Variants in MRPS14 observed in about 807,000 individuals in gnomAD.
MRPS14 encodes mitochondrial ribosomal protein S14.
MRPS14 carries 14 observed loss-of-function variants against 16.4 expected under a neutral mutation model. The ratio of observed to expected loss-of-function variants is 0.85; its 90% CI spans 0.56 to 1.33. The LOEUF is 1.33. MRPS14 is among the 40% of genes most tolerant of loss of function. MRPS14 has a pLI of 0.00. For synonymous variants in MRPS14, 54 were observed against 61.9 expected (o/e 0.87, Z 0.60); for missense variants, 162 against 176.8 (o/e 0.92, Z 0.48).
intron 1 of MRPS14, among the ~76,000 whole-genome samples, chr1:175,020,542 CTT>C (rs1055821774): frequency 6.6e-6 from 1 of 151,604 alleles, no homozygotes; most frequent in Non-Finnish European, 1.5e-5. Context: ...GAGTTTTGCT[CTT>C]GTTGCCCAGG....
At chr1:175,016,448 A>G (rs1672883426) in intron 2 of MRPS14, among the ~76,000 whole-genome samples, 1 of 152,334 alleles carries the variant, frequency 6.6e-6, no homozygotes, top group South Asian at 2.1e-4. Context: ...AGTAGGAAAG[A>G]TAAAAGCCTC....
Position 175,013,422 on chromosome 1 carries a change from T to C in MRPS14, c.*1247A>G, listed in dbSNP as rs1489888072. The C allele has an allele frequency of 6.6e-6, 1 of 152,240 alleles. No homozygotes were observed. 9.4% of individuals were successfully genotyped at this position (152,240 alleles called of 1,614,324 possible). A position where few individuals can be genotyped will look rare whatever the true frequency, so the allele number is the denominator to read the frequency against. ...TATCAGGAACCCAGAGAACCATCTT[T>C]ACCTCTTAGATATAATCAGTCTTGT... On this transcript the variant is annotated 3_prime_UTR_variant, in exon 3 of 3. Transcript: ENST00000476371.
intron 1 of MRPS14, among the ~76,000 whole-genome samples, chr1:175,022,739 AC>A (rs1340911272): frequency 7.1e-6 from 1 of 140,494 alleles, no homozygotes; most frequent in African/African-American, 2.7e-5. Flanking sequence ...CCCGTTATTG[AC>A]CCATTTTTTT....
intron 1 of MRPS14, among the ~76,000 whole-genome samples, chr1:175,022,137 C>T (rs1202473422): frequency 6.6e-6 from 1 of 151,158 alleles, no homozygotes; most frequent in Non-Finnish European, 1.5e-5. Flanking sequence ...GGAAATTTAG[C>T]ACCCAAACTG....
chr1:175,022,814 T>C (rs1464574827), intron 1 of MRPS14, among the ~76,000 whole-genome samples: 1 of 151,862 alleles, frequency 6.6e-6, no homozygotes, highest in East Asian at 1.9e-4. Context: ...TTCCTCCTAT[T>C]CTCTTGAACG....
Position 175,014,539 on chromosome 1 carries a change from A to G in MRPS14, c.*130T>C, listed in dbSNP as rs1574115478. 1.3e-6 allele frequency: 1 copy of G among 782,408 alleles called. No homozygotes were observed. The highest frequency in any genetic ancestry group is 2.4e-5 in the South Asian group (1 of 42,522). The allele number at this position is 782,408 out of a possible 1,614,324, so 48.5% of individuals were successfully genotyped here. ...TTCATTTTAAAAGTAGTTTAGAGAT[A>G]GCATCAGGTAGGCCAAACAACTGTA... On this transcript the variant is annotated 3_prime_UTR_variant, in exon 3 of 3. Transcript: ENST00000476371.
chr1:175,020,569 C>T (rs1424775272), intron 1 of MRPS14, among the ~76,000 whole-genome samples: 6 of 151,868 alleles, frequency 4.0e-5, no homozygotes, highest in African/African-American at 1.5e-4. Flanking sequence ...AGTGCAATGA[C>T]GCGATCGTGG....
intron 1 of MRPS14, among the ~76,000 whole-genome samples, chr1:175,020,896 A>C (rs997699279): frequency 3.9e-5 from 6 of 152,100 alleles, no homozygotes; most frequent in Non-Finnish European, 5.9e-5. Context: ...TCTGCTCTGT[A>C]CACATCTTAT....
At chr1:175,019,903 T>C (rs192716984) in intron 1 of MRPS14, among the ~76,000 whole-genome samples, 1 of 152,158 alleles carries the variant, frequency 6.6e-6, no homozygotes, top group African/African-American at 2.4e-5. Context: ...GAATATAAAA[T>C]TGAAAATAAG....
rs1673015065 is a variant in MRPS14 at position 175,023,365 on chromosome 1, T to G, written c.44A>C (p.Gln15Pro). Residue 15 changes from glutamine (Q) to proline (P), a missense_variant and splice_region_variant, in exon 1 of 3, where the codon CAG becomes CCG. Physicochemically the swap from Gln to Pro is moderately conservative, Grantham distance 76. Coordinates refer to ENST00000476371, the MANE Select transcript of MRPS14 (RefSeq NM_022100.3). Reference protein sequence around the residue: ...MLGSLLRTFKQMVPSSASGQV... With the variant: ...MLGSLLRTFKPMVPSSASGQV... ...TGTGGATAAAAGTAGAGGCCTGACC[T>G]GCTTGAACGTCCGCAGCAGCGAGCC... The G allele has an allele frequency of 3.7e-6, 6 of 1,613,986 alleles. No individual in the cohort carries two copies. The highest frequency in any genetic ancestry group is 1.3e-5 in the African/African-American group (1 of 74,918).
At chr1:175,016,596 G>C (rs773875657) in intron 2 of MRPS14, among the ~76,000 whole-genome samples, 1 of 152,140 alleles carries the variant, frequency 6.6e-6, no homozygotes, top group Non-Finnish European at 1.5e-5. Flanking sequence ...AGTCATACCA[G>C]AGACATGTCT....
intron 1 of MRPS14, among the ~76,000 whole-genome samples, chr1:175,020,958 C>T (rs1488083616): frequency 2.0e-5 from 3 of 151,992 alleles, no homozygotes; most frequent in African/African-American, 7.3e-5. Context: ...TCCACTGGGC[C>T]CTCTCAATCC....
Position 175,023,388 on chromosome 1 carries a change from G to C in MRPS14, c.21C>G (p.Gly7=). 1 of 1,614,206 alleles carries C rather than the reference G, an allele frequency of 6.2e-7. No homozygotes were observed. The highest frequency in any genetic ancestry group is 8.5e-7 in the Non-Finnish European group (1 of 1,180,042). The change falls in exon 1 of 3, where the codon GGC becomes GGG. Residue 7 remains glycine, a synonymous_variant. Coordinates refer to ENST00000476371, the MANE Select transcript of MRPS14 (RefSeq NM_022100.3). MAAFML[G]SLLRTFKQMV... ...CCTGCTTGAACGTCCGCAGCAGCGA[G>C]CCCAGCATGAAGGCCGCCATGTTGT...
chr1:175,016,586 A>T (rs1183856422), intron 2 of MRPS14, among the ~76,000 whole-genome samples: 1 of 152,210 alleles, frequency 6.6e-6, no homozygotes, highest in Non-Finnish European at 1.5e-5. Flanking sequence ...TATTGCTGCT[A>T]GTCATACCAG....
chr1:175,015,960 C>T (rs1276814428), intron 2 of MRPS14, among the ~76,000 whole-genome samples: 1 of 152,052 alleles, frequency 6.6e-6, no homozygotes, highest in Non-Finnish European at 1.5e-5. Context: ...CACTTTGGGA[C>T]GCCGAGGCAG....
chr1:175,014,911 C>T lies in MRPS14; in HGVS notation c.205-60G>A, dbSNP rs887186385. On this transcript the variant is annotated intron_variant, in intron 2 of 2. Coordinates refer to ENST00000476371, the MANE Select transcript of MRPS14 (RefSeq NM_022100.3). ...ACATTGTTGCACATGTATTTTGCTC[C>T]TTCTCACTTGCAGGTAATTTTCTTT... is the stretch of plus-strand genomic sequence containing the variant. 3.3e-5 allele frequency: 48 copies of T among 1,474,344 alleles called. No individual in the cohort carries two copies. In the Admixed American group the frequency reaches 1.1e-3, roughly 33 times the overall value. 91.3% of individuals were successfully genotyped at this position (1,474,344 alleles called of 1,614,324 possible).
At chr1:175,023,139 C>G in intron 1 of MRPS14, 1 of 1,102,352 alleles carries the variant, frequency 9.1e-7, no homozygotes, top group Non-Finnish European at 1.3e-6. Flanking sequence ...AAATCGGAGT[C>G]AATCTCACAT....
rs752490303 is a variant in MRPS14 at position 175,018,545 on chromosome 1, C to T, written c.77G>A (p.Arg26Gln). The T allele has an allele frequency of 8.7e-6, 14 of 1,603,212 alleles. No individual in the cohort carries two copies. The East Asian group carries it at 1.6e-4, about 18-fold the overall frequency. The change falls in exon 2 of 3, where the codon CGA becomes CAA. Residue 26 changes from arginine to glutamine, a missense_variant. Physicochemically the swap from Arg to Gln is conservative, Grantham distance 43. Coordinates refer to ENST00000476371, the MANE Select transcript of MRPS14 (RefSeq NM_022100.3). ...MVPSSASGQV[R>Q]SHYVDWRMWR... ...CATTCTCCAGTCTACATAGTGACTT[C>T]GAACTTGGCCTGAAGCTGATGAAGG...
rs1672824308 is a variant in MRPS14 at position 175,013,636 on chromosome 1, C to A, written c.*1033G>T. ...AGCTGTCACTTACCTGTATTACAAA[C>A]TGATGATGTCATTCCTGTGCTTAAA... is the stretch of plus-strand genomic sequence containing the variant. On this transcript the variant is annotated 3_prime_UTR_variant, in exon 3 of 3. Transcript: ENST00000476371. The A allele has an allele frequency of 6.6e-6, 1 of 152,190 alleles. No individual in the cohort carries two copies. The highest frequency in any genetic ancestry group is 2.4e-5 in the African/African-American group (1 of 41,424). 9.4% of individuals were successfully genotyped at this position (152,190 alleles called of 1,614,324 possible). A position where few individuals can be genotyped will look rare whatever the true frequency, so the allele number is the denominator to read the frequency against.
Sources: allele counts gnomAD v4.1 joint callset (sites outside exome capture counted in the v4.1 genomes callset), GRCh38; gene constraint gnomAD v4.1.1; transcripts MANE v1.5; gene names NCBI Gene and HGNC (gene_info 2026-07-23, HGNC 2026-07-21).